The following HELB variants were observed in gnomAD, a reference collection of about 807,000 sequenced individuals.
HELB encodes DNA helicase B.
A neutral mutation model predicts 101.7 loss-of-function variants in HELB; 96 were observed. The ratio of observed to expected loss-of-function variants is 0.94; its 90% confidence interval spans 0.80 to 1.12. The LOEUF (loss-of-function observed/expected upper bound fraction) is 1.12. HELB is among the 50% of genes most tolerant of loss of function. HELB has a pLI of 0.00. For missense variants in HELB, 1,210 were observed against 1,291.9 expected, an observed-to-expected ratio of 0.94 and a Z score of 0.97; for synonymous variants, 437 against 459.7, an observed-to-expected ratio of 0.95 and a Z score of 0.63.
intron 6 of HELB, among the ~76,000 whole-genome samples, chr12:66,316,154 G>A (rs1436823403): frequency 6.6e-6 from 1 of 152,128 alleles, no homozygotes; most frequent in Non-Finnish European, 1.5e-5. Context: ...GTAGCATGCT[G>A]TGCAGGTTTG....
In HELB at chr12:66,309,818, T is replaced by C; in HGVS notation, c.890T>C (p.Met297Thr). ...MTDLEKNALI[M>T]YSRLKQICRE... The stretch of plus-strand genomic sequence containing the variant: ...GATTTGGAGAAGAATGCATTAATAA[T>C]GTATTCCAGACTGAAGCAGATATGT... Residue 297 changes from methionine (M) to threonine (T), a missense_variant, in exon 4 of 13, where the codon ATG becomes ACG. Physicochemically the swap from Met to Thr is moderately conservative, Grantham distance 81. This residue lies in a region of HELB where 470 missense variants were observed against 563.1 expected (regional missense o/e 0.83). Coordinates refer to ENST00000247815, the MANE Select transcript of HELB (RefSeq NM_001370285.1). The C allele has an allele frequency of 6.2e-7, 1 of 1,614,114 alleles. No homozygotes were observed.
At position 66,331,388 on chromosome 12, in the gene HELB, C is replaced by T. The variant is rs776130336; in HGVS notation, c.2905C>T (p.Arg969Trp). The change falls in exon 12 of 13, where the codon CGG becomes TGG. Residue 969 changes from arginine to tryptophan, a missense_variant. This residue lies in a region of HELB where 740 missense variants were observed against 728.8 expected (regional missense o/e 1.02). Transcript: ENST00000247815. Reference protein sequence around the residue: ...GAPPADFPSPRKSSGDSGGPS... With the variant: ...GAPPADFPSPWKSSGDSGGPS... Reference sequence around the variant, plus strand: ...ACCTCCAGCAGATTTTCCGTCCCCACGGAAGAGCTCTGGAGACAGTGGAGG... The same window carrying T: ...ACCTCCAGCAGATTTTCCGTCCCCATGGAAGAGCTCTGGAGACAGTGGAGG... 67 of 1,614,080 alleles carry T rather than the reference C, an allele frequency of 4.2e-5. No homozygotes were observed. Among genetic ancestry groups the T allele is most frequent in the African/African-American group, 1.3e-4 (10 of 74,924 alleles).
At chr12:66,321,790 G>A in intron 7 of HELB, 158 bp from the exon 8 acceptor site, 1 of 522,948 alleles carries the variant, frequency 1.9e-6, no homozygotes, top group Admixed American at 3.3e-5. Context: ...CCTGGCTGAT[G>A]TGGGGAATGA....
intron 11 of HELB, among the ~76,000 whole-genome samples, chr12:66,330,931 A>C (rs897749550): frequency 3.9e-5 from 6 of 152,120 alleles, no homozygotes. Context: ...TCTACAAGCC[A>C]GTTGTGGACC....
rs1253394814 is a variant in HELB, at chr12:66,305,113, C to G, written c.570C>G (p.Phe190Leu). Residue 190 changes from phenylalanine (F) to leucine (L), a missense_variant, in exon 2 of 13, where the codon TTC becomes TTG. This residue lies in a region of HELB where 470 missense variants were observed against 563.1 expected (regional missense o/e 0.83). Coordinates refer to ENST00000247815, the MANE Select transcript of HELB (RefSeq NM_001370285.1). ...QPTQNGQEEL[F>L]LDNEMSLPLE... ...CACAGAATGGTCAGGAAGAGTTGTT[C>G]CTAGACAATGAGATGAGTCTTCCTC... The G allele has an allele frequency of 6.3e-7, 1 of 1,583,104 alleles. No homozygotes were observed. Among genetic ancestry groups the G allele is most frequent in the African/African-American group, 1.4e-5 (1 of 72,932 alleles).
intron 2 of HELB, among the ~76,000 whole-genome samples, chr12:66,305,511 G>A (rs117073239): frequency 0.014 from 2,117 of 152,300 alleles, 117 homozygotes; most frequent in Admixed American, 0.091. Context: ...GGAGACTGAG[G>A]CAGGAGGATC....
In HELB at chr12:66,318,626, T is replaced by A. The variant is rs560254037; in HGVS notation, c.2001-12T>A. 2.5e-6 allele frequency: 4 copies of A among 1,593,248 alleles called. No homozygotes were observed. In the East Asian group the frequency reaches 6.8e-5, roughly 27 times the overall value. On this transcript the variant is annotated splice_polypyrimidine_tract_variant and intron_variant, in intron 6 of 12. Coordinates refer to ENST00000247815, the MANE Select transcript of HELB (RefSeq NM_001370285.1). The stretch of plus-strand genomic sequence containing the variant: ...TAATGTTCTTTGTGTGTGTGTGTTA[T>A]CTTTATTCAAGAATCTCAAGACGCC...
intron 11 of HELB, among the ~76,000 whole-genome samples, chr12:66,329,056 A>G (rs757386088): frequency 2.0e-5 from 3 of 152,250 alleles, no homozygotes; most frequent in Non-Finnish European, 4.4e-5. Flanking sequence ...AATTTATAGA[A>G]TAGACATATA....
chr12:66,307,066 C>T (rs1425406235), intron 3 of HELB, among the ~76,000 whole-genome samples: 1 of 152,198 alleles, frequency 6.6e-6, no homozygotes, highest in African/African-American at 2.4e-5. Flanking sequence ...CACACTGAGG[C>T]TCCAGTGGTA....
intron 7 of HELB, 31 bp downstream of exon 7, chr12:66,318,823 T>A (rs1007336073): frequency 2.0e-6 from 3 of 1,508,318 alleles, no homozygotes; most frequent in African/African-American, 1.4e-5. Flanking sequence ...GATGTAGAGT[T>A]AAGTATAACT....
chr12:66,313,977 T>C lies in HELB; in HGVS notation c.1681-9T>C. On this transcript the variant is annotated splice_polypyrimidine_tract_variant and intron_variant, in intron 4 of 12. Transcript: ENST00000247815. Reference sequence around the variant, plus strand: ...ACCTGACTTTAGGAATGCCATACTTTGCTTGTAGGTCAATTATAGCTTCTA... The same window carrying C: ...ACCTGACTTTAGGAATGCCATACTTCGCTTGTAGGTCAATTATAGCTTCTA... The C allele has an allele frequency of 6.2e-7, 1 of 1,612,762 alleles. No individual in the cohort carries two copies. The highest frequency in any genetic ancestry group is 8.5e-7 in the Non-Finnish European group (1 of 1,178,934).
In HELB at chr12:66,324,217, T is replaced by C. The variant is rs1472188428; in HGVS notation, c.2526+6T>C. The C allele has an allele frequency of 6.4e-7, 1 of 1,553,542 alleles. No individual in the cohort carries two copies. The highest frequency in any genetic ancestry group is 8.9e-7 in the Non-Finnish European group (1 of 1,128,160). ...AGATATTTTTCATAACAAATGTAAG[T>C]GAAAACAGAAGATAATATCTTTTAA... On this transcript the variant is annotated splice_donor_region_variant and intron_variant, in intron 10 of 12. Transcript: ENST00000247815.
At chr12:66,306,302 G>T (rs776888319) in intron 2 of HELB, 43 bp from the exon 3 acceptor site, 1 of 1,414,582 alleles carries the variant, frequency 7.1e-7, no homozygotes, top group Non-Finnish European at 9.5e-7. Flanking sequence ...TCATTCTTTG[G>T]GTTCATTTAT....
At position 66,313,973 on chromosome 12, in the gene HELB, A is replaced by G. The variant is rs78765681; in HGVS notation, c.1681-13A>G. On this transcript the variant is annotated splice_polypyrimidine_tract_variant and intron_variant, in intron 4 of 12. Transcript: ENST00000247815. ...TATAACCTGACTTTAGGAATGCCATACTTTGCTTGTAGGTCAATTATAGCT... is the reference window on the plus strand; with the variant it reads ...TATAACCTGACTTTAGGAATGCCATGCTTTGCTTGTAGGTCAATTATAGCT... 2.3e-3 allele frequency: 3,663 copies of G among 1,612,160 alleles called. 70 individuals carry two copies. In the African/African-American group the frequency reaches 0.038, roughly 17 times the overall value.
At chr12:66,326,458 G>A (rs1465580253) in intron 11 of HELB, among the ~76,000 whole-genome samples, 1 of 151,840 alleles carries the variant, frequency 6.6e-6, no homozygotes, top group Non-Finnish European at 1.5e-5. Context: ...GGTCAGGCTG[G>A]TCTCGAACTC....
intron 8 of HELB, 122 bp from the exon 9 acceptor site, chr12:66,322,602 C>G: frequency 3.9e-6 from 2 of 514,246 alleles, no homozygotes; most frequent in Non-Finnish European, 6.9e-6. Flanking sequence ...TAGAAAAATA[C>G]TATTTCCTGG....
intron 9 of HELB, 93 bp downstream of exon 9, chr12:66,322,876 T>C: frequency 1.4e-6 from 1 of 732,166 alleles, no homozygotes; most frequent in South Asian, 1.9e-5. Context: ...CCTATTTACA[T>C]ATATTCCCAA....
chr12:66,338,435 A>C (rs1180198013), downstream of HELB: 5 of 202,440 alleles, frequency 2.5e-5, no homozygotes, highest in South Asian at 2.6e-4. Context: ...AGAGGCCAGG[A>C]GTTTGAGACC....
chr12:66,334,471 G>GAAAA (rs34530283), intron 12 of HELB, among the ~76,000 whole-genome samples: 1 of 109,508 alleles, frequency 9.1e-6, no homozygotes. Context: ...CAAAAAAAAA[G>GAAAA]AAAAAAAAAA....
Sources: gnomAD v4.1 joint callset for allele counts (sites outside exome capture counted in the v4.1 genomes callset) on GRCh38, gnomAD v4.1.1 for gene constraint, gnomAD v4.1.1 regional missense constraint, MANE v1.5 for transcripts, NCBI Gene and HGNC (gene_info 2026-07-23, HGNC 2026-07-21) for gene names.